ELK3: variants seen among roughly 807,000 people sequenced by gnomAD.
ELK3 encodes the protein ETS transcription factor ELK3.
In ELK3, 10 loss-of-function variants were observed where a neutral mutation model predicts 28.9. That is an observed-to-expected ratio of 0.35 (90% CI 0.21 to 0.59). ELK3 has a LOEUF of 0.59. Ranked by LOEUF, ELK3 falls within the 20% of genes least tolerant of loss-of-function variation. ELK3 has a pLI of 0.82. For missense variants in ELK3, 463 were observed against 517.3 expected, an observed-to-expected ratio of 0.90 and a Z score of 1.02; for synonymous variants, 272 against 243.5, an observed-to-expected ratio of 1.12 and a Z score of -1.09.
chr12:96,230,715 TG>T (rs1316209139), intron 2 of ELK3, among the ~76,000 whole-genome samples: 1 of 152,138 alleles, frequency 6.6e-6, no homozygotes, highest in African/African-American at 2.4e-5. Context: ...AAGGCGACCC[TG>T]GGGGCGCCAA....
At chr12:96,200,971 A>C (rs971004765) in intron 1 of ELK3, among the ~76,000 whole-genome samples, 4 of 152,054 alleles carry the variant, frequency 2.6e-5, no homozygotes, top group African/African-American at 9.7e-5. Flanking sequence ...CCTCTGGCTA[A>C]TTTTTTTATT....
At chr12:96,227,210 C>T (rs1444275228) in intron 2 of ELK3, among the ~76,000 whole-genome samples, 1 of 151,858 alleles carries the variant, frequency 6.6e-6, no homozygotes, top group East Asian at 1.9e-4. Flanking sequence ...TACAGCTCGG[C>T]CTGACCGTTT....
chr12:96,228,468 C>T (rs931970150), intron 2 of ELK3, among the ~76,000 whole-genome samples: 15 of 145,884 alleles, frequency 1.0e-4, no homozygotes, highest in Admixed American at 4.2e-4. Context: ...TTTGTTGCTA[C>T]GTTGCTGCTC....
At chr12:96,215,621 C>T (rs1350117918) in intron 1 of ELK3, among the ~76,000 whole-genome samples, 1 of 142,860 alleles carries the variant, frequency 7.0e-6, no homozygotes, top group African/African-American at 2.6e-5. Context: ...TAAAGAGGGA[C>T]ATAAAACCTT....
chr12:96,266,987 AATGGACTGCT>A, intron 4 of ELK3, 85 bp from the exon 5 acceptor site: 2 of 945,052 alleles, frequency 2.1e-6, no homozygotes, highest in Non-Finnish European at 3.0e-6. Flanking sequence ...TGATGAGAGA[AATGGACTGCT>A]ATGGACTGTA....
intron 1 of ELK3, 127 bp from the exon 2 acceptor site, chr12:96,223,438 C>T (rs1197504961): frequency 7.0e-6 from 6 of 851,474 alleles, no homozygotes; most frequent in Non-Finnish European, 1.1e-5. Flanking sequence ...GTGAAAGCTA[C>T]TTTTTATTAG....
At chr12:96,217,163 A>T (rs1170789579) in intron 1 of ELK3, among the ~76,000 whole-genome samples, 1 of 152,186 alleles carries the variant, frequency 6.6e-6, no homozygotes, top group Non-Finnish European at 1.5e-5. Flanking sequence ...AGATGGGAGG[A>T]TTGTTTGACC....
At chr12:96,228,442 A>AAAAAAG (rs761298726) in intron 2 of ELK3, among the ~76,000 whole-genome samples, 20 of 142,636 alleles carry the variant, frequency 1.4e-4, no homozygotes, top group South Asian at 2.3e-4. Context: ...AAAAAAAAAA[A>AAAAAAG]AAGAAGATCA....
At chr12:96,249,788 G>A (rs1377085348) in intron 3 of ELK3, among the ~76,000 whole-genome samples, 3 of 152,380 alleles carry the variant, frequency 2.0e-5, no homozygotes, top group South Asian at 4.1e-4. Flanking sequence ...GGCTCCCATC[G>A]GTGGGGCTGA....
chr12:96,230,539 G>A (rs927094281), intron 2 of ELK3, among the ~76,000 whole-genome samples: 9 of 152,164 alleles, frequency 5.9e-5, no homozygotes, highest in Non-Finnish European at 1.3e-4. Flanking sequence ...TCCGTGACAG[G>A]TGTGACACTA....
At chr12:96,251,141 A>C (rs2137036196) in intron 3 of ELK3, among the ~76,000 whole-genome samples, 1 of 152,294 alleles carries the variant, frequency 6.6e-6, no homozygotes, top group East Asian at 1.9e-4. Context: ...ACATTTTGGT[A>C]ATTCTCAAAC....
intron 1 of ELK3, among the ~76,000 whole-genome samples, chr12:96,217,546 A>G (rs1162900100): frequency 6.6e-6 from 1 of 152,172 alleles, no homozygotes; most frequent in Admixed American, 6.5e-5. Flanking sequence ...CTGGTTCCCT[A>G]CTGAATTATG....
At chr12:96,260,803 G>C (rs1951987443) in intron 4 of ELK3, among the ~76,000 whole-genome samples, 1 of 152,134 alleles carries the variant, frequency 6.6e-6, no homozygotes. Context: ...CCTGTATCCT[G>C]TGCCCCACAG....
chr12:96,204,240 C>T (rs1951525817), intron 1 of ELK3, among the ~76,000 whole-genome samples: 1 of 152,042 alleles, frequency 6.6e-6, no homozygotes, highest in African/African-American at 2.4e-5. Flanking sequence ...TTCAGTTGAT[C>T]AGGTTTTCGT....
chr12:96,248,036 C>T (rs1043004586), intron 3 of ELK3, among the ~76,000 whole-genome samples: 11 of 152,000 alleles, frequency 7.2e-5, no homozygotes, highest in African/African-American at 2.7e-4. Context: ...CCAGCGATTT[C>T]CAAGGGAAAG....
At chr12:96,238,408 G>A (rs1278449972) in intron 2 of ELK3, among the ~76,000 whole-genome samples, 2 of 152,222 alleles carry the variant, frequency 1.3e-5, no homozygotes, top group East Asian at 3.8e-4. Flanking sequence ...ACCCAGATCT[G>A]TTCACCCCAG....
At chr12:96,261,698 C>T (rs1227591852) in intron 4 of ELK3, among the ~76,000 whole-genome samples, 1 of 152,106 alleles carries the variant, frequency 6.6e-6, no homozygotes, top group East Asian at 1.9e-4. Flanking sequence ...CAGGCCTTGG[C>T]AACCTCCTAG....
At chr12:96,205,523 G>C (rs892806416) in intron 1 of ELK3, among the ~76,000 whole-genome samples, 26 of 152,058 alleles carry the variant, frequency 1.7e-4, no homozygotes, top group Non-Finnish European at 3.1e-4. Context: ...ACCCAGGCCG[G>C]AGTGCAGTGG....
At chr12:96,200,658 T>C (rs1045242313) in intron 1 of ELK3, among the ~76,000 whole-genome samples, 2 of 151,848 alleles carry the variant, frequency 1.3e-5, no homozygotes, top group Non-Finnish European at 2.9e-5. Context: ...CCACCACACC[T>C]GGCTAATTTT....
Sources: allele counts gnomAD v4.1 joint callset (sites outside exome capture counted in the v4.1 genomes callset), GRCh38; gene constraint gnomAD v4.1.1; transcripts MANE v1.5; gene names NCBI Gene and HGNC (gene_info 2026-07-23, HGNC 2026-07-21).